DST: variants seen among roughly 807,000 people sequenced by gnomAD.
DST encodes the protein bullous pemphigoid antigen.
A neutral mutation model predicts 875.2 loss-of-function variants in DST; 253 were observed. The ratio of observed to expected loss-of-function variants is 0.29; its 90% CI spans 0.26 to 0.32. The LOEUF is 0.32. Ranked by LOEUF, DST falls within the 10% of genes least tolerant of loss-of-function variation. The pLI, the probability that DST is intolerant of heterozygous loss-of-function variation, is 1.00. For missense variants in DST, 8,287 were observed against 9,111.6 expected, an observed-to-expected ratio of 0.91 and a Z score of 3.68; for synonymous variants, 3,124 against 3,197.1, an observed-to-expected ratio of 0.98 and a Z score of 0.77.
At chr6:56,681,698 C>T (rs1267755603) in intron 9 of DST, among the ~76,000 whole-genome samples, 1 of 152,172 alleles carries the variant, frequency 6.6e-6, no homozygotes, top group East Asian at 1.9e-4. Flanking sequence ...TGTTATAATG[C>T]CTAGCTAGGG....
At chr6:56,907,791 T>C (rs1172787581) in intron 2 of DST, among the ~76,000 whole-genome samples, 1 of 152,240 alleles carries the variant, frequency 6.6e-6, no homozygotes, top group African/African-American at 2.4e-5. Context: ...ATTATTGTTT[T>C]ATAAGGTCAA....
intron 9 of DST, among the ~76,000 whole-genome samples, chr6:56,690,074 TC>T (rs1563695969): frequency 6.6e-6 from 1 of 152,200 alleles, no homozygotes; most frequent in Admixed American, 6.5e-5. Context: ...ACTATTAACA[TC>T]AATTCCTGCT....
Position 56,605,211 on chromosome 6 carries a change from T to G in DST, c.9417A>C (p.Glu3139Asp), listed in dbSNP as rs1427522461. The change falls in exon 40 of 104, where the codon GAA becomes GAC. Residue 3139 changes from glutamate to aspartate, a missense_variant. By Grantham distance (45) the Glu-to-Asp change is conservative. This residue lies in a region of DST where 3,138 missense variants were observed against 3,116.6 expected (regional missense o/e 1.01). Transcript: ENST00000680361. The part of the protein sequence containing the change: ...KSPVQFENLE[E>D]IFDTSVSKEI... ...CTTTGGAAACTGATGTGTCAAAAATTTCTTCAAGATTCTCAAACTGAACAG... is the reference window on the plus strand; with the variant it reads ...CTTTGGAAACTGATGTGTCAAAAATGTCTTCAAGATTCTCAAACTGAACAG... The G allele has an allele frequency of 8.7e-6, 14 of 1,611,592 alleles. No individual in the cohort carries two copies. The highest frequency in any genetic ancestry group is 1.1e-5 in the Non-Finnish European group (13 of 1,178,728).
Position 56,485,299 on chromosome 6 carries a change from C to T in DST, c.21207+13G>A. The T allele has an allele frequency of 6.2e-7, 1 of 1,613,226 alleles. No homozygotes were observed. Among genetic ancestry groups the T allele is most frequent in the Non-Finnish European group, 8.5e-7 (1 of 1,179,484 alleles). ...TCAAACAAGATAAAATAAAATGTCC[C>T]AGATAACAATACCTTGTGATTATCG... is the stretch of plus-strand genomic sequence containing the variant. On this transcript the variant is annotated intron_variant, in intron 88 of 103. Coordinates refer to ENST00000680361, the MANE Select transcript of DST (RefSeq NM_001374736.1).
In DST at chr6:56,463,681, G is replaced by A. The variant is rs948596983; in HGVS notation, c.22843C>T (p.Arg7615Ter). 1.9e-6 allele frequency: 3 copies of A among 1,613,964 alleles called. No homozygotes were observed. The highest frequency in any genetic ancestry group is 1.7e-6 in the Non-Finnish European group (2 of 1,179,884). Reference sequence around the variant, plus strand: ...GATGATGGCCGGGATCTTCGGCCTCGGGGTCGGAAAGCAGCCATACCCTGG... The same window carrying A: ...GATGATGGCCGGGATCTTCGGCCTCAGGGTCGGAAAGCAGCCATACCCTGG... ...ASQGMAAFRPRGRRSRPSSRG... is the reference protein window; with the variant it reads ...ASQGMAAFRP Residue 7615 changes from arginine to a stop codon, truncating the protein, a stop_gained, in exon 101 of 104, where the codon CGA becomes TGA. Coordinates refer to ENST00000680361, the MANE Select transcript of DST (RefSeq NM_001374736.1). LOFTEE classifies it high-confidence loss of function.
At chr6:56,485,970 G>C (rs1264655868) in intron 87 of DST, among the ~76,000 whole-genome samples, 1 of 152,078 alleles carries the variant, frequency 6.6e-6, no homozygotes, top group African/African-American at 2.4e-5. Context: ...TGATCCGTTT[G>C]TCAGGACTTT....
intron 86 of DST, among the ~76,000 whole-genome samples, chr6:56,487,556 T>C (rs971216796): frequency 6.6e-6 from 1 of 152,174 alleles, no homozygotes; most frequent in African/African-American, 2.4e-5. Context: ...TGTAAGCTAA[T>C]GTTAGGTGTA....
intron 4 of DST, among the ~76,000 whole-genome samples, chr6:56,826,918 G>A (rs367946611): frequency 2.6e-5 from 4 of 152,170 alleles, no homozygotes; most frequent in East Asian, 1.9e-4. Flanking sequence ...GTGCACGAGA[G>A]CACTGTTTCC....
intron 9 of DST, among the ~76,000 whole-genome samples, chr6:56,686,693 T>C (rs1206070126): frequency 6.6e-6 from 1 of 152,114 alleles, no homozygotes; most frequent in Non-Finnish European, 1.5e-5. Flanking sequence ...GGAGGGAAGG[T>C]GGCAGCCTGC....
intron 4 of DST, among the ~76,000 whole-genome samples, chr6:56,739,297 T>C (rs1212985213): frequency 6.6e-6 from 1 of 152,046 alleles, no homozygotes; most frequent in Non-Finnish European, 1.5e-5. Flanking sequence ...CCTAAATGTC[T>C]TTCGGCCTTG....
chr6:56,901,467 C>T (rs949545155), intron 2 of DST, among the ~76,000 whole-genome samples: 2 of 152,086 alleles, frequency 1.3e-5, no homozygotes, highest in African/African-American at 2.4e-5. Context: ...TGCTGGTGGA[C>T]GCCAGTAATC....
intron 15 of DST, chr6:56,643,074 G>A (rs987213179): frequency 2.6e-5 from 13 of 499,044 alleles, no homozygotes; most frequent in East Asian, 9.2e-5. Flanking sequence ...CAGATTGGGC[G>A]TCACTGGAAA....
Position 56,851,378 on chromosome 6 carries a change from C to T in DST, c.625+19G>A, listed in dbSNP as rs769417554. On this transcript the variant is annotated intron_variant, in intron 4 of 103. Transcript: ENST00000680361. ...CAACTCTCTTCCCCCACTCCATCCC[C>T]TTCCCCAGATGCTCTTACCTGCTAT... The T allele has an allele frequency of 8.7e-6, 14 of 1,609,466 alleles. No individual in the cohort carries two copies. Among genetic ancestry groups the T allele is most frequent in the Non-Finnish European group, 1.1e-5 (13 of 1,177,970 alleles).
intron 13 of DST, 90 bp downstream of exon 13, chr6:56,648,480 G>A: frequency 7.6e-7 from 1 of 1,315,742 alleles, no homozygotes; most frequent in Non-Finnish European, 1.0e-6. Context: ...GGCAACTTTT[G>A]TTGAACTTCT....
intron 5 of DST, among the ~76,000 whole-genome samples, chr6:56,704,951 T>C (rs1303537957): frequency 2.0e-5 from 3 of 152,222 alleles, no homozygotes; most frequent in Admixed American, 6.5e-5. Flanking sequence ...CTGCACAATG[T>C]AAGTCTTCTT....
At position 56,696,686 on chromosome 6, in the gene DST, GAACA is replaced by G. The variant is rs553314760; in HGVS notation, c.1047+2963_1047+2966del. Among the ~76,000 whole-genome samples the G allele has an allele frequency of 1.4e-3, 213 of 152,184 alleles. 1 individual carries two copies. The highest frequency in any genetic ancestry group is 2.5e-3 in the Non-Finnish European group (171 of 68,004). Reference sequence around the variant, plus strand: ...TTGGGTCTCCAATGTCTTCTTTCTAGAACAAACTATTGACCTCTACTCCATCTTA... The same window carrying G: ...TTGGGTCTCCAATGTCTTCTTTCTAGAACTATTGACCTCTACTCCATCTTA... On this transcript the variant is annotated intron_variant, in intron 9 of 103. Transcript: ENST00000680361.
At chr6:56,599,162 A>T (rs2098419721) in intron 45 of DST, among the ~76,000 whole-genome samples, 1 of 152,070 alleles carries the variant, frequency 6.6e-6, no homozygotes, top group Non-Finnish European at 1.5e-5. Flanking sequence ...AAACACCAGA[A>T]TCTGTAATAT....
chr6:56,867,353 A>G (rs2127601545), intron 3 of DST, among the ~76,000 whole-genome samples: 1 of 152,304 alleles, frequency 6.6e-6, no homozygotes, highest in Middle Eastern at 3.4e-3. Context: ...TACTGTTAAT[A>G]TTGTTGGTCA....
intron 9 of DST, among the ~76,000 whole-genome samples, chr6:56,698,189 G>A (rs1360049291): frequency 6.6e-6 from 1 of 151,880 alleles, no homozygotes; most frequent in East Asian, 1.9e-4. Flanking sequence ...CTCTGTTCAG[G>A]TCCTAGACCT....
Sources: allele counts gnomAD v4.1 joint callset (sites outside exome capture counted in the v4.1 genomes callset), GRCh38; gene constraint gnomAD v4.1.1; regional missense constraint gnomAD v4.1.1; transcripts MANE v1.5; gene names NCBI Gene and HGNC (gene_info 2026-07-23, HGNC 2026-07-21).